Variants in PRELID1 observed in about 807,000 individuals in gnomAD.
PRELID1 encodes PRELI domain containing 1, also known as PRELI domain-containing protein 1, mitochondrial.
A neutral mutation model predicts 29.0 loss-of-function variants in PRELID1; 15 were observed. The ratio of observed to expected loss-of-function variants is 0.52; its 90% CI spans 0.35 to 0.80. The LOEUF is 0.80. PRELID1 is among the 30% of genes least tolerant of loss of function. The pLI is 0.01. For missense variants in PRELID1, 187 were observed against 275.9 expected (o/e 0.68, Z 2.28); for synonymous variants, 79 against 106.5 (o/e 0.74, Z 1.59).
At position 177,306,196 on chromosome 5, in the gene PRELID1, G is replaced by T; in HGVS notation, c.511+20G>T. ...TGCAAGGTGAGTTTCTGGGTATGTG[G>T]ATATTCCTCATAGGGAGAGGCTCAT... On this transcript the variant is annotated intron_variant, in intron 4 of 4. Coordinates refer to ENST00000303204, the MANE Select transcript of PRELID1 (RefSeq NM_013237.4). The T allele has an allele frequency of 6.2e-7, 1 of 1,605,378 alleles. No homozygotes were observed. Among genetic ancestry groups the T allele is most frequent in the South Asian group, 1.1e-5 (1 of 90,868 alleles).
In PRELID1 at chr5:177,304,666, C is replaced by T; in HGVS notation, c.134C>T (p.Thr45Ile). 6.2e-7 allele frequency: 1 copy of T among 1,613,996 alleles called. No homozygotes were observed. Among genetic ancestry groups the T allele is most frequent in the South Asian group, 1.1e-5 (1 of 91,070 alleles). ...LTEDIVHREV[T>I]PDQKLLSRRL... is the part of the protein sequence containing the mutation. ...GAAGACATAGTACACCGGGAGGTGA[C>T]CCCTGACCAGAAACTGCTGTCCCGG... The change falls in exon 2 of 5, where the codon ACC (threonine) becomes ATC (isoleucine). Residue 45 changes from threonine to isoleucine, a missense_variant. By Grantham distance (89) the Thr-to-Ile change is moderately conservative. Transcript: ENST00000303204.
At chr5:177,306,034 G>A (rs764898993) in intron 3 of PRELID1, 50 bp downstream of exon 3, 8 of 1,600,898 alleles carry the variant, frequency 5.0e-6, no homozygotes, top group Non-Finnish European at 6.0e-6. Context: ...AGTGCTTTCG[G>A]TGTTGGGGCT....
rs1237268845 is a variant in PRELID1 at position 177,306,629 on chromosome 5, T to C, written c.*59T>C. ...TAGGCTTAGCCTCTCTGCCCTCCCT[T>C]CATTGTACTTTATCATTAAAAATCA... On this transcript the variant is annotated 3_prime_UTR_variant, in exon 5 of 5. Transcript: ENST00000303204. 3 of 1,555,932 alleles carry C rather than the reference T, an allele frequency of 1.9e-6. No homozygotes were observed. The highest frequency in any genetic ancestry group is 2.4e-5 in the East Asian group (1 of 41,964).
chr5:177,305,960 A>G lies in PRELID1; in HGVS notation c.408A>G (p.Leu136=). The G allele has an allele frequency of 1.2e-6, 2 of 1,614,110 alleles. No individual in the cohort carries two copies. Among genetic ancestry groups the G allele is most frequent in the Non-Finnish European group, 1.7e-6 (2 of 1,180,002 alleles). Residue 136 remains leucine, a synonymous_variant, in exon 3 of 5, where the codon TTA becomes TTG. Coordinates refer to ENST00000303204, the MANE Select transcript of PRELID1 (RefSeq NM_013237.4). ...IRREAWVSSS[L]FGVSRAVQEF... ...GGGAAGCCTGGGTCTCCTCTAGCTTATTTGGTGTCTCCAGAGCTGTCCAGG... is the reference window on the plus strand; with the variant it reads ...GGGAAGCCTGGGTCTCCTCTAGCTTGTTTGGTGTCTCCAGAGCTGTCCAGG...
rs964740763 is a variant in PRELID1 at position 177,303,808 on chromosome 5, G to A, written c.-178G>A. On this transcript the variant is annotated 5_prime_UTR_variant, in exon 1 of 5. Transcript: ENST00000303204. This position sits in a 1 kb window ranked among gnomAD's most constrained non-coding sequence, Gnocchi z 6.1. Reference sequence around the variant, plus strand: ...CTGCGCCGGAAGTGGCGCGCGGCCGGACAACTCATGGCGGCGGCGGCGGCG... The same window carrying A: ...CTGCGCCGGAAGTGGCGCGCGGCCGAACAACTCATGGCGGCGGCGGCGGCG... The A allele has an allele frequency of 6.7e-6, 3 of 445,644 alleles. No individual in the cohort carries two copies. The highest frequency in any genetic ancestry group is 6.3e-5 in the African/African-American group (3 of 47,946). 27.6% of individuals were successfully genotyped at this position (445,644 alleles called of 1,614,324 possible). A position where few individuals can be genotyped will look rare whatever the true frequency, so the allele number is the denominator to read the frequency against.
At position 177,304,727 on chromosome 5, in the gene PRELID1, G is replaced by T; in HGVS notation, c.195G>T (p.Trp65Cys). 1 of 1,613,980 alleles carries T rather than the reference G, an allele frequency of 6.2e-7. No individual in the cohort carries two copies. The highest frequency in any genetic ancestry group is 1.1e-5 in the South Asian group (1 of 91,074). The change falls in exon 2 of 5, where the codon TGG becomes TGT. Residue 65 changes from tryptophan to cysteine, a missense_variant. By Grantham distance (215) the Trp-to-Cys change is radical. Transcript: ENST00000303204. ...LLTKTNRMPR[W>C]AERLFPANVA... ...CCAAGACCAACAGGATGCCACGCTG[G>T]GCCGAGCGACTATTTCCTGCCAATG...
At chr5:177,305,083 C>T (rs763485306) in intron 2 of PRELID1, among the ~76,000 whole-genome samples, 1 of 152,180 alleles carries the variant, frequency 6.6e-6, no homozygotes, top group Non-Finnish European at 1.5e-5. Flanking sequence ...GGGAGGGGTA[C>T]CTATCTTACG....
At position 177,305,999 on chromosome 5, in the gene PRELID1, TGG is replaced by T. The variant is rs1388490862; in HGVS notation, c.432+18_432+19del. Reference sequence around the variant, plus strand: ...GAGCTGTCCAGGTGAGCAGTGTTGTTGGGGCTGCTGGGGCTCTGGGACCCAGT... The same window carrying T: ...GAGCTGTCCAGGTGAGCAGTGTTGTTGGCTGCTGGGGCTCTGGGACCCAGT... On this transcript the variant is annotated intron_variant, in intron 3 of 4. Transcript: ENST00000303204. The T allele has an allele frequency of 1.2e-6, 2 of 1,609,802 alleles. No homozygotes were observed. Among genetic ancestry groups the T allele is most frequent in the Non-Finnish European group, 1.7e-6 (2 of 1,176,104 alleles).
Position 177,304,866 on chromosome 5 carries a change from T to TTGTGATTCTGCACCTCC in PRELID1, c.318+17_318+33dup. ...CCGGCTGATGGTGAGACACCTCCTG[T>TTGTGATTCTGCACCTCC]TGTGATTCTGCACCTCCCCCTCTCC... is the stretch of plus-strand genomic sequence containing the variant. On this transcript the variant is annotated intron_variant, in intron 2 of 4. Transcript: ENST00000303204. 2 of 1,584,514 alleles carry TTGTGATTCTGCACCTCC rather than the reference T, an allele frequency of 1.3e-6. No individual in the cohort carries two copies. The highest frequency in any genetic ancestry group is 1.7e-6 in the Non-Finnish European group (2 of 1,159,042).
intron 2 of PRELID1, 148 bp from the exon 3 acceptor site, chr5:177,305,721 TTC>T (rs1304405768): frequency 1.5e-6 from 1 of 664,396 alleles, no homozygotes; most frequent in Non-Finnish European, 2.6e-6. Context: ...TGGCTTCTTG[TTC>T]TGTCAGTGCC....
Position 177,306,519 on chromosome 5 carries a change from C to T in PRELID1, c.609C>T (p.Leu203=), listed in dbSNP as rs111655533. The change falls in exon 5 of 5, where the codon CTC becomes CTT. Residue 203 remains leucine, a synonymous_variant. Transcript: ENST00000303204. ...CAGCTACAGAGAAGGCCAAGGACCT[C>T]GCCAGCAAGGCGGCCACCAAGAAGC... ...ALAATEKAKD[L]ASKAATKKQQ... is the part of the protein sequence containing the mutation. 2.5e-5 allele frequency: 40 copies of T among 1,612,646 alleles called. No homozygotes were observed. Among genetic ancestry groups the T allele is most frequent in the Admixed American group, 5.0e-5 (3 of 59,876 alleles).
Position 177,304,753 on chromosome 5 carries a change from T to G in PRELID1, c.221T>G (p.Val74Gly). The change falls in exon 2 of 5, where the codon GTT becomes GGT. Residue 74 changes from valine (V) to glycine (G), a missense_variant. Transcript: ENST00000303204. ...RWAERLFPAN[V>G]AHSVYVLEDS... is the part of the protein sequence containing the mutation. The stretch of plus-strand genomic sequence containing the variant: ...GCCGAGCGACTATTTCCTGCCAATG[T>G]TGCTCACTCGGTGTACGTCCTGGAG... 6.2e-7 allele frequency: 1 copy of G among 1,613,972 alleles called. No individual in the cohort carries two copies. The highest frequency in any genetic ancestry group is 8.5e-7 in the Non-Finnish European group (1 of 1,179,852).
chr5:177,304,874 C>T (rs1289701145), intron 2 of PRELID1, 24 bp downstream of exon 2: 1 of 1,559,114 alleles, frequency 6.4e-7, no homozygotes, highest in African/African-American at 1.4e-5. Flanking sequence ...TGTTGTGATT[C>T]TGCACCTCCC....
Position 177,305,656 on chromosome 5 carries a change from C to T in PRELID1, c.319-215C>T, listed in dbSNP as rs1306344321. 6 of 567,950 alleles carry T rather than the reference C, an allele frequency of 1.1e-5. No individual in the cohort carries two copies. The African/African-American group carries it at 1.1e-4, about 11-fold the overall frequency. The allele number at this position is 567,950 out of a possible 1,614,324, so 35.2% of individuals were successfully genotyped here. ...TTGATCTCAAGAGAGAGACCTTTTG[C>T]CTTCTAGTTTAAGAGTCAGAAGAGA... is the stretch of plus-strand genomic sequence containing the variant. On this transcript the variant is annotated intron_variant, in intron 2 of 4. Transcript: ENST00000303204.
rs182557284 is a variant in PRELID1, at chr5:177,305,454, G to A, written c.319-417G>A. 9.9e-5 allele frequency: 21 copies of A among 212,504 alleles called. 1 individual carries two copies. Among genetic ancestry groups the A allele is most frequent in the South Asian group, 9.9e-4 (16 of 16,224 alleles). 13.2% of individuals were successfully genotyped at this position (212,504 alleles called of 1,614,324 possible). A position where few individuals can be genotyped will look rare whatever the true frequency, so the allele number is the denominator to read the frequency against. ...ACTCCTAACCTCAAGTGATCCGCCC[G>A]CCTCGGCCTCCCAAAGTGCTAAGAT... On this transcript the variant is annotated intron_variant, in intron 2 of 4. Coordinates refer to ENST00000303204, the MANE Select transcript of PRELID1 (RefSeq NM_013237.4).
chr5:177,304,025 T>G lies in PRELID1; in HGVS notation c.40T>G (p.Ser14Ala). ...CCTGGGCCAGAGCGTGCTCCGGAGT[T>G]CCTGGGACCAAGTGTTCGCCGCCTT... Reference protein sequence around the residue: ...YFLGQSVLRSSWDQVFAAFWQ... With the variant: ...YFLGQSVLRSAWDQVFAAFWQ... The change falls in exon 1 of 5, where the codon TCC becomes GCC. Residue 14 changes from serine to alanine, a missense_variant. Physicochemically the swap from Ser to Ala is moderately conservative, Grantham distance 99. Coordinates refer to ENST00000303204, the MANE Select transcript of PRELID1 (RefSeq NM_013237.4). 6.2e-7 allele frequency: 1 copy of G among 1,612,104 alleles called. No homozygotes were observed. The highest frequency in any genetic ancestry group is 8.5e-7 in the Non-Finnish European group (1 of 1,179,942).
At chr5:177,304,480 T>G (rs1208637113) in intron 1 of PRELID1, 145 bp from the exon 2 acceptor site, 10 of 766,078 alleles carry the variant, frequency 1.3e-5, no homozygotes, top group Non-Finnish European at 2.0e-5. Context: ...GGCCCTTAAC[T>G]CTGGTTTGAA....
In PRELID1 at chr5:177,306,931, TA is replaced by T. The variant is rs1760894656; in HGVS notation, c.*364del. Reference sequence around the variant, plus strand: ...TATCTAGCACATAATAGACACTCAATAAATACTTGTTGAATTCAGTTGGCCC... The same window carrying T: ...TATCTAGCACATAATAGACACTCAATAATACTTGTTGAATTCAGTTGGCCC... On this transcript the variant is annotated 3_prime_UTR_variant, in exon 5 of 5. Transcript: ENST00000303204. The T allele has an allele frequency of 1.2e-6, 1 of 865,328 alleles. No homozygotes were observed. Among genetic ancestry groups the T allele is most frequent in the Admixed American group, 3.0e-5 (1 of 33,482 alleles). The allele number at this position is 865,328 out of a possible 1,614,324, so 53.6% of individuals were successfully genotyped here.
chr5:177,304,103 C>T (rs940764198), intron 1 of PRELID1, 26 bp downstream of exon 1: 4 of 1,594,928 alleles, frequency 2.5e-6, no homozygotes, highest in Non-Finnish European at 3.4e-6. Context: ...AAGAGCAAAA[C>T]CGCGCCATCT....
Sources: gnomAD v4.1 joint callset for allele counts (sites outside exome capture counted in the v4.1 genomes callset) on GRCh38, gnomAD v4.1.1 for gene constraint, Gnocchi (gnomAD v3.1) non-coding constraint, MANE v1.5 for transcripts, NCBI Gene and HGNC (gene_info 2026-07-23, HGNC 2026-07-21) for gene names.